The following CFAP58 variants were observed in gnomAD, a reference collection of about 807,000 sequenced individuals.
CFAP58 encodes cilia and flagella associated protein 58, also known as cilia- and flagella-associated protein 58.
Under a neutral mutation model 119.5 loss-of-function variants are expected in CFAP58, and 88 were observed. That is an observed-to-expected ratio of 0.74 (90% CI 0.62 to 0.88). The LOEUF is 0.88. Ranked by LOEUF, CFAP58 falls within the 40% of genes least tolerant of loss-of-function variation. The pLI is 0.00. For synonymous variants in CFAP58, 365 were observed against 366.3 expected (o/e 1.00, Z 0.04); for missense variants, 990 against 1,021.2 (o/e 0.97, Z 0.42).
chr10:104,453,713 T>C (rs993147638), intron 17 of CFAP58, among the ~76,000 whole-genome samples: 1 of 150,878 alleles, frequency 6.6e-6, no homozygotes, highest in Non-Finnish European at 1.5e-5. Context: ...CCCAACTGTA[T>C]GATAACTTGT....
At chr10:104,413,800 C>G (rs550806214) in intron 15 of CFAP58, among the ~76,000 whole-genome samples, 1 of 151,960 alleles carries the variant, frequency 6.6e-6, no homozygotes, top group Non-Finnish European at 1.5e-5. Context: ...TTGGCATCAT[C>G]ATCATCATCA....
chr10:104,345,616 T>A, the CFAP58 span, among the ~76,000 whole-genome samples: 1 of 152,048 alleles, frequency 6.6e-6, no homozygotes, highest in Non-Finnish European at 1.5e-5. Flanking sequence ...CCCAGTCTGG[T>A]GGGGAGACAT....
rs369817203 is a variant in CFAP58, at chr10:104,370,922, C to T, written c.958C>T (p.Arg320Cys). The T allele has an allele frequency of 3.9e-5, 63 of 1,612,692 alleles. No homozygotes were observed. Among genetic ancestry groups the T allele is most frequent in the African/African-American group, 2.0e-4 (15 of 74,908 alleles). ...KAKEEEVHQMRLDIGKLNKIR... is the reference protein window; with the variant it reads ...KAKEEEVHQMCLDIGKLNKIR... ...CAAAGAGGAAGAAGTCCATCAAATG[C>T]GCCTTGACATCGGGAAGCTCAACAA... The change falls in exon 7 of 18, where the codon CGC becomes TGC. Residue 320 changes from arginine (R) to cysteine (C), a missense_variant. By Grantham distance (180) the Arg-to-Cys change is radical. Transcript: ENST00000369704.
chr10:104,364,543 T>C (rs915009479), intron 3 of CFAP58, among the ~76,000 whole-genome samples, 190 bp from the exon 4 acceptor site: 2 of 152,092 alleles, frequency 1.3e-5, no homozygotes, highest in South Asian at 2.1e-4. Flanking sequence ...ATGTTATCAT[T>C]AGTACTTCTT....
intron 9 of CFAP58, among the ~76,000 whole-genome samples, chr10:104,390,945 C>A (rs1430435263): frequency 2.6e-5 from 4 of 152,094 alleles, no homozygotes; most frequent in Non-Finnish European, 4.4e-5. Flanking sequence ...AATTCAATCC[C>A]ATCCCTCCTT....
At chr10:104,443,612 G>A (rs760068268) in intron 15 of CFAP58, among the ~76,000 whole-genome samples, 19 of 152,232 alleles carry the variant, frequency 1.2e-4, no homozygotes, top group Admixed American at 3.3e-4. Flanking sequence ...TGAGGAAGAA[G>A]GGGTGCTGAG....
In CFAP58 at chr10:104,392,391, T is replaced by A. The variant is rs778913322; in HGVS notation, c.1524T>A (p.Ala508=). The change falls in exon 10 of 18, where the codon GCT becomes GCA. Residue 508 remains alanine, a synonymous_variant. Transcript: ENST00000369704. The part of the protein sequence containing the change: ...RNLYSKNLVE[A]QDEITDMKRK... ...TGTATAGCAAAAATCTGGTTGAGGC[T>A]CAGGTAAATAATATATTTATATCCT... 1 of 1,575,548 alleles carries A rather than the reference T, an allele frequency of 6.3e-7. No homozygotes were observed. Among genetic ancestry groups the A allele is most frequent in the South Asian group, 1.2e-5 (1 of 85,114 alleles).
intron 1 of CFAP58, among the ~76,000 whole-genome samples, chr10:104,355,449 C>T (rs143643160): frequency 6.6e-5 from 10 of 152,332 alleles, no homozygotes; most frequent in African/African-American, 2.4e-4. Context: ...TGTTACTCCT[C>T]TCGTTTCTTC....
At chr10:104,353,741 C>A, upstream of CFAP58, 1 of 713,864 alleles carries the variant, frequency 1.4e-6, no homozygotes, top group Non-Finnish European at 2.3e-6. Flanking sequence ...GAGGGCGTGT[C>A]CGTTGCCAGG....
intron 8 of CFAP58, among the ~76,000 whole-genome samples, chr10:104,377,476 C>A (rs1467111978): frequency 1.3e-5 from 2 of 152,120 alleles, no homozygotes; most frequent in Admixed American, 6.6e-5. Flanking sequence ...AATGTAGGAC[C>A]CCTCCTTTTT....
intron 15 of CFAP58, among the ~76,000 whole-genome samples, chr10:104,438,358 TTTG>T (rs2012974084): frequency 1.2e-5 from 1 of 82,446 alleles, no homozygotes; most frequent in African/African-American, 4.5e-5. Context: ...GTTTTTTTTT[TTTG>T]TTTTTTTTTT....
intron 15 of CFAP58, among the ~76,000 whole-genome samples, chr10:104,410,913 T>G (rs2012449540): frequency 6.6e-6 from 1 of 152,136 alleles, no homozygotes; most frequent in Admixed American, 6.5e-5. Context: ...TTACATTTTC[T>G]TAGCTTTATC....
intron 15 of CFAP58, among the ~76,000 whole-genome samples, chr10:104,414,017 T>C (rs2012504494): frequency 1.3e-5 from 2 of 152,082 alleles, no homozygotes; most frequent in Admixed American, 6.5e-5. Flanking sequence ...GGATTTTGCA[T>C]GCCATGATCA....
intron 14 of CFAP58, among the ~76,000 whole-genome samples, chr10:104,406,265 C>T (rs2133050154): frequency 6.6e-6 from 1 of 152,278 alleles, no homozygotes; most frequent in South Asian, 2.1e-4. Flanking sequence ...TTTCTCTCAG[C>T]CTCAGTTGTC....
intron 15 of CFAP58, among the ~76,000 whole-genome samples, chr10:104,424,383 T>C (rs1252034794): frequency 6.6e-6 from 1 of 152,224 alleles, no homozygotes; most frequent in Non-Finnish European, 1.5e-5. Flanking sequence ...TCTGAGATGA[T>C]AATAGATCAT....
At position 104,454,662 on chromosome 10, in the gene CFAP58, TC is replaced by T; in HGVS notation, c.*133del. ...CAGGATGGAAAGAAATGCAGAACTA[TC>T]ATAGTCACATACATATAAGAGGGAT... On this transcript the variant is annotated 3_prime_UTR_variant, in exon 18 of 18. Coordinates refer to ENST00000369704, the MANE Select transcript of CFAP58 (RefSeq NM_001008723.2). The T allele has an allele frequency of 1.5e-6, 1 of 675,126 alleles. No homozygotes were observed. The highest frequency in any genetic ancestry group is 2.7e-5 in the Admixed American group (1 of 37,556). 41.8% of individuals were successfully genotyped at this position (675,126 alleles called of 1,614,324 possible).
At chr10:104,436,601 T>C (rs1004940240) in intron 15 of CFAP58, among the ~76,000 whole-genome samples, 1 of 151,880 alleles carries the variant, frequency 6.6e-6, no homozygotes, top group African/African-American at 2.4e-5. Context: ...AACAACCAGA[T>C]CTCACTAGTA....
chr10:104,373,508 C>T (rs1407272066), intron 7 of CFAP58, among the ~76,000 whole-genome samples: 4 of 151,948 alleles, frequency 2.6e-5, no homozygotes, highest in Non-Finnish European at 2.9e-5. Context: ...CATGCTCCTG[C>T]GCACCTGTAG....
rs115966397 is a variant in CFAP58, at chr10:104,424,972, G to T, written c.2256+18179G>T. Among the ~76,000 whole-genome samples the T allele has an allele frequency of 3.1e-3, 471 of 152,248 alleles. 1 individual carries two copies. The highest frequency in any genetic ancestry group is 0.011 in the African/African-American group (454 of 41,552). ...GAGCTGAGACCTATTTTGAGTCCTG[G>T]TCTTACCAATGACTACCTCTGACCT... On this transcript the variant is annotated intron_variant, in intron 15 of 17. Coordinates refer to ENST00000369704, the MANE Select transcript of CFAP58 (RefSeq NM_001008723.2).
Sources: gnomAD v4.1 joint callset for allele counts (sites outside exome capture counted in the v4.1 genomes callset) on GRCh38, gnomAD v4.1.1 for gene constraint, MANE v1.5 for transcripts, NCBI Gene and HGNC (gene_info 2026-07-23, HGNC 2026-07-21) for gene names.